The following NKAIN3 variants were observed in gnomAD, a reference collection of about 807,000 sequenced individuals.
NKAIN3 encodes the protein sodium/potassium-transporting ATPase subunit beta-1-interacting protein 3.
A neutral mutation model predicts 30.2 loss-of-function variants in NKAIN3; 25 were observed. The ratio of observed to expected loss-of-function variants is 0.83; its 90% CI spans 0.60 to 1.16. The LOEUF is 1.16. Ranked by LOEUF, NKAIN3 falls within the 50% of genes most tolerant of loss-of-function variation. NKAIN3 has a pLI of 0.00. For missense variants in NKAIN3, 225 were observed against 254.1 expected, an observed-to-expected ratio of 0.89 and a Z score of 0.78; for synonymous variants, 91 against 89.6, an observed-to-expected ratio of 1.02 and a Z score of -0.09.
At chr8:62,621,684 C>A (rs539404628) in intron 3 of NKAIN3, among the ~76,000 whole-genome samples, 3 of 152,040 alleles carry the variant, frequency 2.0e-5, no homozygotes, top group Non-Finnish European at 2.9e-5. Flanking sequence ...TCTTGTGTAC[C>A]CTTTTTAATT....
intron 3 of NKAIN3, among the ~76,000 whole-genome samples, chr8:62,719,819 C>T (rs915815161): frequency 7.0e-6 from 1 of 143,612 alleles, no homozygotes. Context: ...TGCAGCGGCG[C>T]GATCTCGGTT....
rs186328650 is a variant in NKAIN3 at position 62,722,596 on chromosome 8, G to C, written c.274-24336G>C. On this transcript the variant is annotated intron_variant, in intron 3 of 6. Transcript: ENST00000623646. ...TTGGCATGAAGAATCTGCAAGATTG[G>C]TATGATTACTTACCGTCAAATCAAG... is the stretch of plus-strand genomic sequence containing the variant. Among the ~76,000 whole-genome samples the C allele has an allele frequency of 1.0e-3, 156 of 152,278 alleles. 2 individuals are homozygous for C. In the South Asian group the frequency reaches 0.018, roughly 18 times the overall value.
At chr8:62,604,027 C>T (rs1353818251) in intron 3 of NKAIN3, among the ~76,000 whole-genome samples, 8 of 152,052 alleles carry the variant, frequency 5.3e-5, no homozygotes, top group Admixed American at 5.2e-4. Flanking sequence ...CAGTGTCTGC[C>T]GCACAGCAGG....
chr8:62,424,845 T>C (rs574185781), intron 1 of NKAIN3, among the ~76,000 whole-genome samples: 6 of 152,030 alleles, frequency 3.9e-5, no homozygotes, highest in African/African-American at 1.4e-4. Flanking sequence ...ATTTGCACTC[T>C]ATTAGTTGCA....
intron 1 of NKAIN3, among the ~76,000 whole-genome samples, chr8:62,298,548 T>G (rs1263986373): frequency 6.6e-6 from 1 of 152,186 alleles, no homozygotes; most frequent in East Asian, 1.9e-4. Context: ...CTTTGTCCAC[T>G]GCACTGCACT....
chr8:62,991,957 A>G (rs2130933862), intron 5 of NKAIN3, among the ~76,000 whole-genome samples: 1 of 150,124 alleles, frequency 6.7e-6, no homozygotes, highest in South Asian at 2.1e-4. Context: ...TGCCACTGAG[A>G]CCCGGGGCCC....
chr8:62,990,794 C>T (rs942260654), intron 5 of NKAIN3: 4 of 152,172 alleles, frequency 2.6e-5, no homozygotes, highest in Non-Finnish European at 5.9e-5. Context: ...CCAACTAGAC[C>T]TTTTCTCATT....
At chr8:62,281,149 A>C (rs973465639) in intron 1 of NKAIN3, among the ~76,000 whole-genome samples, 1 of 152,116 alleles carries the variant, frequency 6.6e-6, no homozygotes, top group African/African-American at 2.4e-5. Flanking sequence ...TAGATTTTCT[A>C]GTGTATTTGC....
At chr8:62,551,805 C>T (rs1809223616) in intron 1 of NKAIN3, among the ~76,000 whole-genome samples, 1 of 152,206 alleles carries the variant, frequency 6.6e-6, no homozygotes. Flanking sequence ...GGTAGACAAA[C>T]CTTCATATCA....
chr8:62,266,935 C>T (rs1401283219), intron 1 of NKAIN3, among the ~76,000 whole-genome samples: 2 of 152,242 alleles, frequency 1.3e-5, no homozygotes, highest in Non-Finnish European at 2.9e-5. Context: ...TGGGGTAACC[C>T]TGCTCTGCAA....
At chr8:62,749,353 A>C (rs1816192529) in intron 4 of NKAIN3, among the ~76,000 whole-genome samples, 2 of 152,198 alleles carry the variant, frequency 1.3e-5, no homozygotes, top group African/African-American at 4.8e-5. Context: ...TGCCACCTAA[A>C]AGTACTTTTC....
chr8:62,291,790 T>A (rs994813295), intron 1 of NKAIN3, among the ~76,000 whole-genome samples: 1 of 152,038 alleles, frequency 6.6e-6, no homozygotes, highest in African/African-American at 2.4e-5. Context: ...CCTGGATATC[T>A]TTTTTACATT....
intron 5 of NKAIN3, among the ~76,000 whole-genome samples, chr8:62,992,185 T>C (rs1391709011): frequency 6.6e-6 from 1 of 151,832 alleles, no homozygotes; most frequent in Non-Finnish European, 1.5e-5. Context: ...AGCTAATTTT[T>C]GTATTTAGTA....
intron 1 of NKAIN3, among the ~76,000 whole-genome samples, chr8:62,320,467 G>T (rs2129589351): frequency 6.6e-6 from 1 of 152,182 alleles, no homozygotes; most frequent in Non-Finnish European, 1.5e-5. Flanking sequence ...GCAGTGGCTG[G>T]TACCGGTTGT....
chr8:62,376,396 G>A (rs1321558499), intron 1 of NKAIN3, among the ~76,000 whole-genome samples: 1 of 152,136 alleles, frequency 6.6e-6, no homozygotes, highest in Non-Finnish European at 1.5e-5. Flanking sequence ...GGCCTTACTT[G>A]TACATCTCCA....
rs1237096465 is a variant in NKAIN3, at chr8:62,807,556, G to T, written c.471+60427G>T. Among the ~76,000 whole-genome samples, 535 of 134,278 alleles carry T rather than the reference G, an allele frequency of 4.0e-3. 4 individuals are homozygous for T. The highest frequency in any genetic ancestry group is 0.013 in the African/African-American group (481 of 36,540). 88.1% of individuals were successfully genotyped at this position (134,278 alleles called of 152,430 possible). On this transcript the variant is annotated intron_variant, in intron 4 of 6. Coordinates refer to ENST00000623646, the MANE Select transcript of NKAIN3 (RefSeq NM_001304533.3). ...ATCTTTCAATAGTTATTCTTTTCTGGTTTTTTTTTTTTTTTGAGACAATGT... is the reference window on the plus strand; with the variant it reads ...ATCTTTCAATAGTTATTCTTTTCTGTTTTTTTTTTTTTTTTGAGACAATGT...
At chr8:62,370,561 G>A (rs1417063725) in intron 1 of NKAIN3, among the ~76,000 whole-genome samples, 1 of 151,842 alleles carries the variant, frequency 6.6e-6, no homozygotes, top group Non-Finnish European at 1.5e-5. Flanking sequence ...TTGTACTGAA[G>A]TACCTTGACC....
chr8:62,751,938 C>G (rs887422891), intron 4 of NKAIN3, among the ~76,000 whole-genome samples: 4 of 151,992 alleles, frequency 2.6e-5, no homozygotes, highest in African/African-American at 9.7e-5. Flanking sequence ...CATTGAGTTT[C>G]TATTCTATCT....
intron 1 of NKAIN3, among the ~76,000 whole-genome samples, chr8:62,278,223 G>C (rs899999586): frequency 1.3e-5 from 2 of 152,114 alleles, no homozygotes; most frequent in African/African-American, 4.8e-5. Flanking sequence ...GCCTCCCTGA[G>C]AAGTCCTAAG....
Sources: allele counts gnomAD v4.1 joint callset (sites outside exome capture counted in the v4.1 genomes callset), GRCh38; gene constraint gnomAD v4.1.1; transcripts MANE v1.5; gene names NCBI Gene and HGNC (gene_info 2026-07-23, HGNC 2026-07-21).